The following ABL1 variants were observed in gnomAD, a reference collection of about 807,000 sequenced individuals.
ABL1 encodes tyrosine-protein kinase ABL1.
In ABL1, 11 loss-of-function variants were observed where a neutral mutation model predicts 94.7. That is an observed-to-expected ratio of 0.12 (90% CI 0.07 to 0.19). The LOEUF is 0.19. Ranked by LOEUF, ABL1 falls within the 10% of genes least tolerant of loss-of-function variation. The probability of loss-of-function intolerance (pLI) is 1.00; values close to 1 mark genes in which losing one functional copy is unlikely to be tolerated. For missense variants in ABL1, 1,082 were observed against 1,489.4 expected (o/e 0.73, Z 4.50); for synonymous variants, 656 against 622.4 (o/e 1.05, Z -0.80).
At chr9:130,716,294 G>A (rs371916280) in intron 1 of ABL1, among the ~76,000 whole-genome samples, 1 of 151,742 alleles carries the variant, frequency 6.6e-6, no homozygotes, top group Non-Finnish European at 1.5e-5. Context: ...ACGGGGTTTC[G>A]CCATGTTGGC....
At chr9:130,860,015 T>C (rs1423997004) in intron 3 of ABL1, among the ~76,000 whole-genome samples, 1 of 152,176 alleles carries the variant, frequency 6.6e-6, no homozygotes. Context: ...ACAAGTCCCA[T>C]CCTTCAGGTT....
chr9:130,833,907 T>G, upstream of ABL1: 1 of 418,132 alleles, frequency 2.4e-6, no homozygotes, highest in Non-Finnish European at 5.0e-6. Context: ...AGGCTTTCTC[T>G]GAAACATATA....
At chr9:130,713,511 C>T (rs985037772) in exon 1 of ABL1, among the ~76,000 whole-genome samples, 3 of 152,088 alleles carry the variant, frequency 2.0e-5, no homozygotes, top group Non-Finnish European at 4.4e-5. Context: ...TATTCCGGAT[C>T]CCGGCCCCAA....
chr9:130,885,731 C>T lies in ABL1; in HGVS notation c.*48C>T, dbSNP rs1207638467. On this transcript the variant is annotated 3_prime_UTR_variant, in exon 11 of 11. Transcript: ENST00000318560. ...AGGCCCGTCGGAGCTGCCTGCAGCA[C>T]ATGCGGGCTCGCCCATACCCGTGAC... is the stretch of plus-strand genomic sequence containing the variant. 1.9e-6 allele frequency: 3 copies of T among 1,567,414 alleles called. No homozygotes were observed. The highest frequency in any genetic ancestry group is 1.7e-6 in the Non-Finnish European group (2 of 1,156,620).
rs1243489678 is a variant in ABL1 at position 130,872,856 on chromosome 9, G to A, written c.908-4G>A. 2 of 1,604,986 alleles carry A rather than the reference G, an allele frequency of 1.2e-6. No individual in the cohort carries two copies. Among genetic ancestry groups the A allele is most frequent in the African/African-American group, 1.3e-5 (1 of 74,710 alleles). On this transcript the variant is annotated splice_polypyrimidine_tract_variant and splice_region_variant and intron_variant, in intron 5 of 10. Coordinates refer to ENST00000318560, the MANE Select transcript of ABL1 (RefSeq NM_005157.6). This position sits in a 1 kb window ranked among gnomAD's most constrained non-coding sequence, Gnocchi z 5.0. ...TGTTGAAGTCCTCGTTGTCTTGTTG[G>A]CAGGGGTCTGCACCCGGGAGCCCCC...
intron 1 of ABL1, among the ~76,000 whole-genome samples, chr9:130,819,532 CTTTTTTTTTTTTTT>C (rs34341889): frequency 1.0e-5 from 1 of 96,284 alleles, no homozygotes; most frequent in Admixed American, 1.3e-4. Context: ...AGAAAAATAC[CTTTTTTTTTTTTTT>C]TTTTTTTTTG....
chr9:130,728,551 A>G (rs1010309695), intron 1 of ABL1, among the ~76,000 whole-genome samples: 10 of 150,804 alleles, frequency 6.6e-5, no homozygotes, highest in African/African-American at 2.4e-4. Context: ...ACGCCCGGCT[A>G]ATTTTTTTGT....
At chr9:130,857,163 G>A (rs1239649324) in intron 3 of ABL1, among the ~76,000 whole-genome samples, 2 of 152,172 alleles carry the variant, frequency 1.3e-5, no homozygotes, top group Non-Finnish European at 2.9e-5. Context: ...CCATGGCCTG[G>A]TTTGAAAATG....
At chr9:130,825,213 C>T (rs1475760206) in intron 1 of ABL1, among the ~76,000 whole-genome samples, 1 of 152,200 alleles carries the variant, frequency 6.6e-6, no homozygotes, top group Non-Finnish European at 1.5e-5. Flanking sequence ...CCTCCACTAC[C>T]TCCTAATCCC....
At chr9:130,721,347 C>T (rs1178252867) in intron 1 of ABL1, among the ~76,000 whole-genome samples, 1 of 152,134 alleles carries the variant, frequency 6.6e-6, no homozygotes, top group African/African-American at 2.4e-5. Flanking sequence ...CACCGCACTC[C>T]AGCCTGGGTG....
chr9:130,796,312 CAGG>C (rs1276593188), intron 1 of ABL1, among the ~76,000 whole-genome samples: 1 of 152,118 alleles, frequency 6.6e-6, no homozygotes, highest in African/African-American at 2.4e-5. Flanking sequence ...TGCTTGAGCC[CAGG>C]AGTTCAAGAC....
chr9:130,831,416 A>G (rs1830493627), upstream of ABL1, among the ~76,000 whole-genome samples: 1 of 151,718 alleles, frequency 6.6e-6, no homozygotes, highest in African/African-American at 2.4e-5. Context: ...TTCCAAATTA[A>G]AAAAAAAATT....
Position 130,862,832 on chromosome 9 carries a change from G to A in ABL1, c.619G>A (p.Asp207Asn), listed in dbSNP as rs1831096815. The change falls in exon 4 of 11, where the codon GAC becomes AAC. Residue 207 changes from aspartate to asparagine, a missense_variant. By Grantham distance (23) the Asp-to-Asn change is conservative. Transcript: ENST00000318560. The surrounding 1 kb of genome is among the most constrained non-coding windows in gnomAD (Gnocchi z 5.5). Reference protein sequence around the residue: ...ELVHHHSTVADGLITTLHYPA... With the variant: ...ELVHHHSTVANGLITTLHYPA... Reference sequence around the variant, plus strand: ...GGTTCATCATCATTCAACGGTGGCCGACGGGCTCATCACCACGCTCCATTA... The same window carrying A: ...GGTTCATCATCATTCAACGGTGGCCAACGGGCTCATCACCACGCTCCATTA... 5 of 1,613,964 alleles carry A rather than the reference G, an allele frequency of 3.1e-6. No homozygotes were observed. Among genetic ancestry groups the A allele is most frequent in the African/African-American group, 1.3e-5 (1 of 74,970 alleles).
At chr9:130,737,196 A>C (rs993886706) in intron 1 of ABL1, among the ~76,000 whole-genome samples, 3 of 152,212 alleles carry the variant, frequency 2.0e-5, no homozygotes, top group Non-Finnish European at 4.4e-5. Context: ...CACTCTGACC[A>C]TAAGGAGGTG....
At chr9:130,821,408 G>GT (rs1402520766) in intron 1 of ABL1, among the ~76,000 whole-genome samples, 5 of 151,678 alleles carry the variant, frequency 3.3e-5, no homozygotes, top group Non-Finnish European at 5.9e-5. Context: ...TTTTGTGACT[G>GT]TTTTTTTTCC....
rs564050487 is a variant in ABL1, at chr9:130,811,505, C to G, written c.137-42559C>G. Among the ~76,000 whole-genome samples, 16 of 152,166 alleles carry G rather than the reference C, an allele frequency of 1.1e-4. No homozygotes were observed. In the East Asian group the frequency reaches 2.3e-3, roughly 22 times the overall value. Reference sequence around the variant, plus strand: ...AGCACAAAGACTGGGAGTGGGAGAACAAATATACTCTTGTAAGCTTTTTAC... The same window carrying G: ...AGCACAAAGACTGGGAGTGGGAGAAGAAATATACTCTTGTAAGCTTTTTAC... On this transcript the variant is annotated intron_variant, in intron 1 of 10. Transcript: ENST00000372348.
At chr9:130,713,247 G>T (rs571967211) in exon 1 of ABL1, among the ~76,000 whole-genome samples, 75 of 152,260 alleles carry the variant, frequency 4.9e-4, no homozygotes, top group Admixed American at 3.1e-3. Flanking sequence ...GGGGGAGGGG[G>T]TGTCTCGGGC....
At position 130,884,622 on chromosome 9, in the gene ABL1, G is replaced by A. The variant is rs751974335; in HGVS notation, c.2332G>A (p.Gly778Ser). 3.1e-6 allele frequency: 5 copies of A among 1,613,292 alleles called. No homozygotes were observed. Among genetic ancestry groups the A allele is most frequent in the Non-Finnish European group, 3.4e-6 (4 of 1,180,038 alleles). Reference sequence around the variant, plus strand: ...GAACAGGTCTGACCAGGTGACCCGAGGCACAGTAACGCCTCCCCCCAGGCT... The same window carrying A: ...GAACAGGTCTGACCAGGTGACCCGAAGCACAGTAACGCCTCCCCCCAGGCT... ...GENRSDQVTR[G>S]TVTPPPRLVK... Residue 778 changes from glycine (G) to serine (S), a missense_variant, in exon 11 of 11, where the codon GGC (glycine) becomes AGC (serine). By Grantham distance (56) the Gly-to-Ser change is moderately conservative. This residue lies in a region of ABL1 where 780 missense variants were observed against 835.8 expected (regional missense o/e 0.93). Transcript: ENST00000318560. The surrounding 1 kb of genome is among the most constrained non-coding windows in gnomAD (Gnocchi z 5.6).
intron 3 of ABL1, among the ~76,000 whole-genome samples, chr9:130,859,869 T>C (rs776588050): frequency 9.2e-5 from 14 of 151,634 alleles, no homozygotes; most frequent in South Asian, 2.1e-4. Flanking sequence ...TTAGTAGAGA[T>C]GGGGTTTCAC....
Sources: allele counts gnomAD v4.1 joint callset (sites outside exome capture counted in the v4.1 genomes callset), GRCh38; gene constraint gnomAD v4.1.1; regional missense constraint gnomAD v4.1.1; non-coding constraint Gnocchi (gnomAD v3.1); transcripts MANE v1.5; gene names NCBI Gene and HGNC (gene_info 2026-07-23, HGNC 2026-07-21).